The following EOLA2 variants were observed in gnomAD, a reference collection of about 807,000 sequenced individuals.
The protein encoded by EOLA2 is protein EOLA2.
Under a neutral mutation model 4.1 loss-of-function variants are expected in EOLA2, and 3 were observed. That is an observed-to-expected ratio of 0.73 (90% CI 0.33 to 1.89). The LOEUF is 1.89. Among genes scored for constraint, EOLA2 ranks in the 40% most tolerant of loss-of-function variants. The pLI is 0.08. For missense variants in EOLA2, 109 were observed against 126.4 expected (o/e 0.86, Z 0.66); for synonymous variants, 52 against 51.7 (o/e 1.01, Z -0.03).
intron 1 of EOLA2, among the ~76,000 whole-genome samples, chrX:149,937,888 C>A (rs1224116631): frequency 8.9e-6 from 1 of 112,922 alleles, no homozygotes; most frequent in East Asian, 2.8e-4. Flanking sequence ...GGCCACAGAG[C>A]TATGCACCGC....
downstream of EOLA2, among the ~76,000 whole-genome samples, chrX:149,931,841 AAAC>A (rs1458662293): frequency 1.3e-4 from 14 of 106,977 alleles, no homozygotes; most frequent in East Asian, 2.6e-3. Context: ...CTACAAAATA[AAAC>A]AACACTACTG....
chrX:149,936,919 A>G (rs1161436595), intron 2 of EOLA2, among the ~76,000 whole-genome samples: 2 of 108,268 alleles, frequency 1.8e-5, no homozygotes, highest in Non-Finnish European at 3.8e-5. Context: ...CCATTCCTCC[A>G]CTGATGGAGA....
Position 149,933,928 on chromosome X carries a change from C to A in EOLA2, c.-29-25G>T, listed in dbSNP as rs1157346610. 5 of 1,180,470 alleles carry A rather than the reference C, an allele frequency of 4.2e-6. No individual in the cohort carries two copies. In the Admixed American group the frequency reaches 1.1e-4, roughly 26 times the overall value. ...CCTGCGGAAGCACAGAAGCGCATCA[C>A]ACGCCAGCCCTTCAAGCTCATGGGC... On this transcript the variant is annotated intron_variant, in intron 3 of 4. Transcript: ENST00000370406.
chrX:149,933,461 A>G (rs2090915687), intron 4 of EOLA2, among the ~76,000 whole-genome samples, 161 bp downstream of exon 4: 1 of 110,170 alleles, frequency 9.1e-6, no homozygotes, highest in Admixed American at 9.6e-5. Context: ...ACCAACCCCC[A>G]GCCCAAGGTC....
At chrX:149,938,115 G>C (rs782320215) in intron 1 of EOLA2, 78 bp downstream of exon 1, 1 of 113,364 alleles carries the variant, frequency 8.8e-6, no homozygotes, top group African/African-American at 3.2e-5. Flanking sequence ...CGAAACCCAG[G>C]GGAAAGAAAC....
chrX:149,929,965 C>T (rs1363206869), downstream of EOLA2: 8 of 1,077,036 alleles, frequency 7.4e-6, no homozygotes, highest in East Asian at 1.4e-4. Flanking sequence ...ATGGAGACGC[C>T]GTGATCATCG....
chrX:149,934,557 C>A, intron 2 of EOLA2: 1 of 754,377 alleles, frequency 1.3e-6, no homozygotes, highest in Non-Finnish European at 1.6e-6. Context: ...CAGCAGACGC[C>A]CCTGTCCCAA....
chrX:149,934,196 C>G, intron 2 of EOLA2, 59 bp from the exon 3 acceptor site: 1 of 920,891 alleles, frequency 1.1e-6, no homozygotes, highest in Admixed American at 4.9e-5. Context: ...GGTCACCGAG[C>G]CCTAGGGCAA....
chrX:149,937,899 C>T (rs1428061246), intron 1 of EOLA2, among the ~76,000 whole-genome samples: 1 of 112,894 alleles, frequency 8.9e-6, no homozygotes, highest in Admixed American at 9.3e-5. Flanking sequence ...TATGCACCGC[C>T]CGGCCTGGGG....
rs782633393 is a variant in EOLA2 at position 149,933,714 on chromosome X, C to T, written c.161G>A (p.Arg54Gln). Residue 54 changes from arginine to glutamine, a missense_variant, in exon 4 of 5, where the codon CGG becomes CAG. By Grantham distance (43) the Arg-to-Gln change is conservative. Coordinates refer to ENST00000370406, the MANE Select transcript of EOLA2 (RefSeq NM_001013845.2). ...AHRDWEGDAC[R>Q]ELLVERLGMT... is the part of the protein sequence containing the mutation. The stretch of plus-strand genomic sequence containing the variant: ...CCCGAGTCTCTCCACCAGCAGCTCC[C>T]GACAGGCATCGCCTTCCCAGTCCCT... 9 of 1,207,802 alleles carry T rather than the reference C, an allele frequency of 7.5e-6. No individual in the cohort carries two copies. The East Asian group carries it at 1.2e-4, about 16-fold the overall frequency.
In EOLA2 at chrX:149,932,461, C is replaced by G. The variant is rs1363319196; in HGVS notation, c.*83G>C. ...AAATTCATCTTTAACCTAATTTATA[C>G]AGGTCTGCGTCACGATGGCAAATTG... is the stretch of plus-strand genomic sequence containing the variant. On this transcript the variant is annotated 3_prime_UTR_variant, in exon 5 of 5. Coordinates refer to ENST00000370406, the MANE Select transcript of EOLA2 (RefSeq NM_001013845.2). 1.7e-6 allele frequency: 2 copies of G among 1,188,819 alleles called. No individual in the cohort carries two copies. Among genetic ancestry groups the G allele is most frequent in the African/African-American group, 3.5e-5 (2 of 56,485 alleles).
Position 149,934,528 on chromosome X carries a change from C to A in EOLA2, c.-162-391G>T, listed in dbSNP as rs190881559. The A allele has an allele frequency of 3.2e-5, 24 of 753,301 alleles. No individual in the cohort carries two copies. In the South Asian group the frequency reaches 1.4e-3, roughly 43 times the overall value. 62.1% of individuals were successfully genotyped at this position (753,301 alleles called of 1,213,427 possible). A position where few individuals can be genotyped will look rare whatever the true frequency, so the allele number is the denominator to read the frequency against. ...GCCACCTTCCTCAAGCCCCTTCCCCCACCACTGCTCTCCACTGTCAGCAGA... is the reference window on the plus strand; with the variant it reads ...GCCACCTTCCTCAAGCCCCTTCCCCAACCACTGCTCTCCACTGTCAGCAGA... On this transcript the variant is annotated intron_variant, in intron 2 of 4. Transcript: ENST00000370406.
chrX:149,933,292 C>T (rs1305579797), intron 4 of EOLA2, among the ~76,000 whole-genome samples: 2 of 101,555 alleles, frequency 2.0e-5, no homozygotes, highest in Non-Finnish European at 4.0e-5. Flanking sequence ...TGGTCTCTGC[C>T]ACACATGTGC....
chrX:149,931,398 T>C (rs1198167697), downstream of EOLA2: 4 of 202,296 alleles, frequency 2.0e-5, no homozygotes, highest in African/African-American at 8.9e-5. Flanking sequence ...ATTGTCCTCG[T>C]TTATTTGGAG....
downstream of EOLA2, chrX:149,930,156 TTTTC>T: frequency 9.0e-7 from 1 of 1,111,799 alleles, no homozygotes; most frequent in East Asian, 3.3e-5. Flanking sequence ...CTGTAATCCC[TTTTC>T]TCTCTTTCTC....
chrX:149,933,368 A>C (rs782122330), intron 4 of EOLA2, among the ~76,000 whole-genome samples: 1 of 109,909 alleles, frequency 9.1e-6, no homozygotes, highest in Non-Finnish European at 1.9e-5. Flanking sequence ...CATGGCCCTG[A>C]CCAGGCTTCT....
intron 2 of EOLA2, among the ~76,000 whole-genome samples, chrX:149,937,154 T>C (rs1260309858): frequency 9.0e-6 from 1 of 110,992 alleles, no homozygotes; most frequent in Admixed American, 9.6e-5. Context: ...ATGATTATTC[T>C]TCTGATGAGT....
intron 1 of EOLA2, among the ~76,000 whole-genome samples, chrX:149,937,932 G>C (rs1432017021): frequency 6.2e-5 from 7 of 112,828 alleles, no homozygotes; most frequent in Non-Finnish European, 9.4e-5. Flanking sequence ...TACAGCACAG[G>C]GGCCAAGCGG....
At chrX:149,934,689 C>G in intron 2 of EOLA2, 1 of 746,745 alleles carries the variant, frequency 1.3e-6, no homozygotes, top group Non-Finnish European at 1.6e-6. Context: ...TTCAAGTAAC[C>G]CAGCAGGGTC....
Sources: allele counts gnomAD v4.1 joint callset (sites outside exome capture counted in the v4.1 genomes callset), GRCh38; gene constraint gnomAD v4.1.1; transcripts MANE v1.5; gene names NCBI Gene and HGNC (gene_info 2026-07-23, HGNC 2026-07-21).